FNDC3A: variants seen among roughly 807,000 people sequenced by gnomAD.
FNDC3A encodes fibronectin type-III domain-containing protein 3A.
Under a neutral mutation model 148.9 loss-of-function variants are expected in FNDC3A, and 32 were observed. The ratio of observed to expected loss-of-function variants is 0.21; its 90% CI spans 0.16 to 0.29. FNDC3A has a LOEUF of 0.29. Ranked by LOEUF, FNDC3A falls within the 10% of genes least tolerant of loss-of-function variation. The probability of loss-of-function intolerance (pLI) is 1.00; values close to 1 mark genes in which losing one functional copy is unlikely to be tolerated. For missense variants in FNDC3A, 1,191 were observed against 1,452.8 expected (o/e 0.82, Z 2.93); for synonymous variants, 472 against 473.6 (o/e 1.00, Z 0.04).
chr13:49,030,042 GAATT>G (rs573546617), intron 2 of FNDC3A, among the ~76,000 whole-genome samples: 213 of 152,220 alleles, frequency 1.4e-3, no homozygotes, highest in African/African-American at 5.0e-3. Flanking sequence ...GTTTAAGGGA[GAATT>G]AACACCAAAT....
chr13:49,076,515 G>A (rs1284691676), intron 3 of FNDC3A, among the ~76,000 whole-genome samples: 1 of 151,664 alleles, frequency 6.6e-6, no homozygotes, highest in African/African-American at 2.4e-5. Flanking sequence ...AAAGTGCTGG[G>A]ATTACAGACG....
intron 14 of FNDC3A, among the ~76,000 whole-genome samples, chr13:49,179,170 ATT>A (rs1885180845): frequency 6.6e-6 from 1 of 152,200 alleles, no homozygotes; most frequent in Non-Finnish European, 1.5e-5. Context: ...TTAACAACCA[ATT>A]TATATGGCTC....
At chr13:49,059,059 C>T (rs137964200) in intron 2 of FNDC3A, among the ~76,000 whole-genome samples, 211 of 152,258 alleles carry the variant, frequency 1.4e-3, no homozygotes, top group African/African-American at 4.9e-3. Flanking sequence ...AAAAAGTACT[C>T]ACAAAATGTT....
Position 49,197,989 on chromosome 13 carries a change from G to A in FNDC3A, c.2498G>A (p.Ser833Asn). The A allele has an allele frequency of 6.2e-7, 1 of 1,612,302 alleles. No individual in the cohort carries two copies. Among genetic ancestry groups the A allele is most frequent in the South Asian group, 1.1e-5 (1 of 91,002 alleles). The stretch of plus-strand genomic sequence containing the variant: ...GGCTCTGTTAATTTGTAGGCTCTGA[G>A]TGTTGTGGGTGCAGGCCCTTTCAGT... ...TTYYCRVQAL[S>N]VVGAGPFSEV... Residue 833 changes from serine (S) to asparagine (N), a missense_variant, in exon 22 of 26, where the codon AGT becomes AAT. By Grantham distance (46) the Ser-to-Asn change is conservative (BLOSUM62 1). Transcript: ENST00000492622.
intron 5 of FNDC3A, among the ~76,000 whole-genome samples, chr13:49,134,114 G>A (rs566088116): frequency 1.3e-5 from 2 of 152,236 alleles, no homozygotes; most frequent in East Asian, 3.9e-4. Context: ...AAGTACCACT[G>A]TCTAATTCCA....
chr13:49,131,806 G>A (rs1034962402), intron 5 of FNDC3A, among the ~76,000 whole-genome samples: 1 of 152,138 alleles, frequency 6.6e-6, no homozygotes, highest in African/African-American at 2.4e-5. Context: ...TAATAAATTT[G>A]GGGAAAGTTA....
At chr13:49,116,341 G>A (rs1257722494) in intron 4 of FNDC3A, among the ~76,000 whole-genome samples, 1 of 152,098 alleles carries the variant, frequency 6.6e-6, no homozygotes, top group Admixed American at 6.5e-5. Context: ...AATTCTTACA[G>A]TTCCTATGTT....
intron 8 of FNDC3A, among the ~76,000 whole-genome samples, chr13:49,163,924 T>C (rs1884312566): frequency 6.6e-6 from 1 of 152,220 alleles, no homozygotes; most frequent in South Asian, 2.1e-4. Flanking sequence ...TTTTCTGTAA[T>C]GGTACATTTG....
chr13:49,166,509 G>T (rs1884469749), intron 8 of FNDC3A, among the ~76,000 whole-genome samples: 1 of 152,150 alleles, frequency 6.6e-6, no homozygotes, highest in Non-Finnish European at 1.5e-5. Flanking sequence ...GGTTTGGGAA[G>T]TATATAGGAC....
At chr13:49,072,223 C>A (rs192429912) in intron 2 of FNDC3A, among the ~76,000 whole-genome samples, 1 of 152,064 alleles carries the variant, frequency 6.6e-6, no homozygotes, top group Non-Finnish European at 1.5e-5. Context: ...TAGTTTAATT[C>A]TTCTGCCTAA....
chr13:49,012,549 TAC>T (rs570033553), intron 2 of FNDC3A, among the ~76,000 whole-genome samples: 31 of 151,906 alleles, frequency 2.0e-4, no homozygotes, highest in African/African-American at 6.3e-4. Flanking sequence ...AGCTTATCAA[TAC>T]ACACACACAC....
rs761890157 is a variant in FNDC3A at position 49,136,339 on chromosome 13, C to T, written c.498C>T (p.His166=). The T allele has an allele frequency of 2.5e-6, 4 of 1,613,414 alleles. No individual in the cohort carries two copies. Among genetic ancestry groups the T allele is most frequent in the South Asian group, 1.1e-5 (1 of 91,050 alleles). ...SSQVYGDVDA[H]STHGRSNFRD... The stretch of plus-strand genomic sequence containing the variant: ...GTTTTTATTGCCTCCTAGATGCTCA[C>T]TCTACACATGGAAGGTCCAACTTTA... The change falls in exon 6 of 26, where the codon CAC becomes CAT. Residue 166 remains histidine (H), a synonymous_variant. Coordinates refer to ENST00000492622, the MANE Select transcript of FNDC3A (RefSeq NM_001079673.2).
chr13:49,037,191 T>C (rs1274512142), intron 2 of FNDC3A, among the ~76,000 whole-genome samples: 1 of 152,216 alleles, frequency 6.6e-6, no homozygotes, highest in Non-Finnish European at 1.5e-5. Context: ...GAGCTACTCA[T>C]ACAGCACTTA....
chr13:49,030,200 A>G (rs1050483534), intron 2 of FNDC3A, among the ~76,000 whole-genome samples: 3 of 152,224 alleles, frequency 2.0e-5, no homozygotes, highest in African/African-American at 7.2e-5. Context: ...ATGTACATCA[A>G]CTAAGTGGGG....
chr13:49,064,162 G>GA (rs1437709401), intron 2 of FNDC3A, among the ~76,000 whole-genome samples: 1 of 152,040 alleles, frequency 6.6e-6, no homozygotes, highest in Non-Finnish European at 1.5e-5. Context: ...CAAACATGGT[G>GA]AAACCCCGTC....
At chr13:49,031,253 G>A (rs1470112531) in intron 2 of FNDC3A, among the ~76,000 whole-genome samples, 1 of 152,018 alleles carries the variant, frequency 6.6e-6, no homozygotes, top group East Asian at 1.9e-4. Flanking sequence ...ATGGTGGTGT[G>A]CACCTGTAAT....
intron 2 of FNDC3A, among the ~76,000 whole-genome samples, chr13:49,035,233 A>G (rs867602862): frequency 2.6e-4 from 40 of 152,216 alleles, no homozygotes; most frequent in Middle Eastern, 3.4e-3. Flanking sequence ...GACACTTTTT[A>G]GTAGGATTGG....
intron 8 of FNDC3A, among the ~76,000 whole-genome samples, chr13:49,165,054 T>C (rs1446586970): frequency 6.6e-6 from 1 of 152,230 alleles, no homozygotes; most frequent in African/African-American, 2.4e-5. Context: ...GTAAATTTCT[T>C]ATATTCCAAA....
chr13:48,987,618 A>G (rs1229552033), intron 1 of FNDC3A, among the ~76,000 whole-genome samples: 2 of 152,220 alleles, frequency 1.3e-5, no homozygotes, highest in African/African-American at 4.8e-5. Context: ...CATCCGACCA[A>G]CACTACTCTT....
Sources: allele counts gnomAD v4.1 joint callset (sites outside exome capture counted in the v4.1 genomes callset), GRCh38; gene constraint gnomAD v4.1.1; transcripts MANE v1.5; gene names NCBI Gene and HGNC (gene_info 2026-07-23, HGNC 2026-07-21).